PLCD1: variants seen among roughly 807,000 people sequenced by gnomAD.
PLCD1 encodes the protein 1-phosphatidylinositol 4,5-bisphosphate phosphodiesterase delta-1.
Under a neutral mutation model 87.4 loss-of-function variants are expected in PLCD1, and 71 were observed. The observed-to-expected ratio is 0.81, with a 90% CI of 0.67 to 0.99. The LOEUF is 0.99. PLCD1 is among the 50% of genes least tolerant of loss of function. PLCD1 has a pLI of 0.00. For missense variants in PLCD1, 867 were observed against 1,001.5 expected, an observed-to-expected ratio of 0.87 and a Z score of 1.81; for synonymous variants, 348 against 399.2, an observed-to-expected ratio of 0.87 and a Z score of 1.53.
At chr3:38,013,791 G>T (rs559553175) in intron 3 of PLCD1, among the ~76,000 whole-genome samples, 5 of 152,330 alleles carry the variant, frequency 3.3e-5, no homozygotes, top group African/African-American at 1.2e-4. Flanking sequence ...AAATGCCATA[G>T]AATTGGGCTT....
At chr3:38,015,328 C>A (rs1700139253) in intron 3 of PLCD1, among the ~76,000 whole-genome samples, 1 of 152,178 alleles carries the variant, frequency 6.6e-6, no homozygotes, top group Admixed American at 6.5e-5. Context: ...ATGAAAGAAG[C>A]CAGTCACAAA....
chr3:38,025,230 T>C lies in PLCD1; in HGVS notation c.34+4276A>G, dbSNP rs970158124. ...GGCGGTCCCTCGGCTTTGGAGGCGG[T>C]GCGGGGGCGGAGCCAGGGTCCGGGA... On this transcript the variant is annotated intron_variant, in intron 1 of 14. Coordinates refer to ENST00000334661, the MANE Select transcript of PLCD1 (RefSeq NM_006225.4). This position sits in a 1 kb window ranked among gnomAD's most constrained non-coding sequence, Gnocchi z 4.0. 6.6e-6 allele frequency among the ~76,000 whole-genome samples: 1 copy of C among 151,568 alleles called. No individual in the cohort carries two copies. Among genetic ancestry groups the C allele is most frequent in the Admixed American group, 6.6e-5 (1 of 15,216 alleles).
intron 1 of PLCD1, among the ~76,000 whole-genome samples, chr3:38,020,686 C>G (rs1008450042): frequency 4.6e-5 from 7 of 152,170 alleles, no homozygotes; most frequent in African/African-American, 1.7e-4. Flanking sequence ...TCCTAGAGGA[C>G]CAGCCCCCTA....
rs746740218 is a variant in PLCD1 at position 38,009,443 on chromosome 3, G to A, written c.1447-12C>T. ...CTGAGCTTGTCCTCCTGGGGAACAC[G>A]GGGAGGCCCGGGTTAGATTCAGTGG... On this transcript the variant is annotated splice_polypyrimidine_tract_variant and intron_variant, in intron 9 of 14. Transcript: ENST00000334661. 31 of 1,613,820 alleles carry A rather than the reference G, an allele frequency of 1.9e-5. No homozygotes were observed. The highest frequency in any genetic ancestry group is 1.6e-4 in the Middle Eastern group (1 of 6,070).
chr3:38,024,358 C>T (rs1700277074), intron 1 of PLCD1: 1 of 1,612,992 alleles, frequency 6.2e-7, no homozygotes, highest in Admixed American at 1.7e-5. Context: ...CCATTGAGCG[C>T]CGCCACCTTA....
At chr3:38,027,227 G>C (rs892991581) in intron 1 of PLCD1, among the ~76,000 whole-genome samples, 1 of 152,172 alleles carries the variant, frequency 6.6e-6, no homozygotes, top group Non-Finnish European at 1.5e-5. Context: ...CCATGACTAG[G>C]AACTACCTTA....
At chr3:38,021,361 T>C (rs1468746615) in intron 1 of PLCD1, among the ~76,000 whole-genome samples, 1 of 152,136 alleles carries the variant, frequency 6.6e-6, no homozygotes, top group Non-Finnish European at 1.5e-5. Context: ...GCAGGTCCTG[T>C]CCCAGAGCCC....
At chr3:38,019,074 G>A (rs935658462) in intron 2 of PLCD1, 3 of 152,370 alleles carry the variant, frequency 2.0e-5, no homozygotes, top group African/African-American at 4.8e-5. Context: ...GGCACCCTCG[G>A]TGGGGTGATC....
At chr3:38,021,155 C>A (rs1026390204) in intron 1 of PLCD1, among the ~76,000 whole-genome samples, 86 of 152,286 alleles carry the variant, frequency 5.6e-4, no homozygotes, top group African/African-American at 2.0e-3. Flanking sequence ...GTCCCCCCCA[C>A]CTCTGACTTG....
intron 3 of PLCD1, among the ~76,000 whole-genome samples, chr3:38,015,379 A>G (rs1004014122): frequency 1.1e-4 from 16 of 152,212 alleles, no homozygotes; most frequent in Admixed American, 9.8e-4. Context: ...CCAGAACAGG[A>G]AAGTGTATAG....
rs748029796 is a variant in PLCD1 at position 38,010,144 on chromosome 3, T to C, written c.1124A>G (p.Asp375Gly). The part of the protein sequence containing the change: ...LFCDVLRAIR[D>G]YAFKASPYPV... ...GGGCACTCCCACCTTGAAGGCATAGTCCCGGATGGCCCTGAGCACATCGCA... is the reference window on the plus strand; with the variant it reads ...GGGCACTCCCACCTTGAAGGCATAGCCCCGGATGGCCCTGAGCACATCGCA... The change falls in exon 7 of 15, where the codon GAC becomes GGC. Residue 375 changes from aspartate to glycine, a missense_variant. Coordinates refer to ENST00000334661, the MANE Select transcript of PLCD1 (RefSeq NM_006225.4). 1 of 1,614,192 alleles carries C rather than the reference T, an allele frequency of 6.2e-7. No individual in the cohort carries two copies. Among genetic ancestry groups the C allele is most frequent in the Non-Finnish European group, 8.5e-7 (1 of 1,180,006 alleles).
chr3:38,020,292 T>A lies in PLCD1; in HGVS notation c.95A>T (p.Lys32Met). The A allele has an allele frequency of 6.2e-7, 1 of 1,614,112 alleles. No individual in the cohort carries two copies. The highest frequency in any genetic ancestry group is 8.5e-7 in the Non-Finnish European group (1 of 1,179,988). The change falls in exon 2 of 15, where the codon AAG becomes ATG. Residue 32 changes from lysine to methionine, a missense_variant. Physicochemically the swap from Lys to Met is moderately conservative, Grantham distance 95 (BLOSUM62 -1). Coordinates refer to ENST00000334661, the MANE Select transcript of PLCD1 (RefSeq NM_006225.4). ...LLKGSQLLKV[K>M]SSSWRRERFY... ...GCGCTCTCTCCTCCATGAGCTGGAC[T>A]TCACCTTCAGGAGCTGGCTGCCCTT...
Position 38,024,408 on chromosome 3 carries a change from C to T in PLCD1, c.35-4056G>A, listed in dbSNP as rs371620597. 2.3e-5 allele frequency: 37 copies of T among 1,612,404 alleles called. No individual in the cohort carries two copies. In the African/African-American group the frequency reaches 4.3e-4, roughly 19 times the overall value. On this transcript the variant is annotated intron_variant, in intron 1 of 14. Transcript: ENST00000334661. ...CAGGTAGAGCTCCCTGGAGCGGCTC[C>T]GGCTCCGGATCCCCAGGCACTGCAT...
Position 38,025,382 on chromosome 3 carries a change from A to G in PLCD1, c.34+4124T>C, listed in dbSNP as rs1043471785. Among the ~76,000 whole-genome samples, 14 of 152,100 alleles carry G rather than the reference A, an allele frequency of 9.2e-5. No homozygotes were observed. Among genetic ancestry groups the G allele is most frequent in the Admixed American group, 1.3e-4 (2 of 15,272 alleles). On this transcript the variant is annotated intron_variant, in intron 1 of 14. Coordinates refer to ENST00000334661, the MANE Select transcript of PLCD1 (RefSeq NM_006225.4). The surrounding 1 kb of genome is among the most constrained non-coding windows in gnomAD (Gnocchi z 4.0). Reference sequence around the variant, plus strand: ...TGAGGGGAGTCCCAGTGGGAGGTGGATGGCAGTCTAGCGGGGACCTGAGTG... The same window carrying G: ...TGAGGGGAGTCCCAGTGGGAGGTGGGTGGCAGTCTAGCGGGGACCTGAGTG...
chr3:38,023,746 C>T (rs1419173755), intron 1 of PLCD1, among the ~76,000 whole-genome samples: 1 of 151,928 alleles, frequency 6.6e-6, no homozygotes, highest in Non-Finnish European at 1.5e-5. Flanking sequence ...CAGTCACACT[C>T]AGTTGAACAG....
At position 38,011,557 on chromosome 3, in the gene PLCD1, C is replaced by A; in HGVS notation, c.545G>T (p.Arg182Leu). 1.2e-6 allele frequency: 2 copies of A among 1,614,148 alleles called. No individual in the cohort carries two copies. Among genetic ancestry groups the A allele is most frequent in the Non-Finnish European group, 1.7e-6 (2 of 1,179,996 alleles). ...LNIQVDDSYA[R>L]KIFRECDHSQ... is the part of the protein sequence containing the mutation. ...TTCCTGCCTCACCCTGAAGATCTTC[C>A]GGGCATAGCTGTCGTCCACCTGGAT... The change falls in exon 4 of 15, where the codon CGG becomes CTG. Residue 182 changes from arginine (R) to leucine (L), a missense_variant. Arg to Leu is a moderately radical substitution (Grantham distance 102). Transcript: ENST00000334661.
At chr3:38,024,542 G>A in intron 1 of PLCD1, 1 of 1,511,310 alleles carries the variant, frequency 6.6e-7, no homozygotes, top group South Asian at 1.2e-5. Flanking sequence ...CGGAACTGTC[G>A]CCCTTGGAGG....
rs1700302667 is a variant in PLCD1, at chr3:38,025,808, C to G, written c.34+3698G>C. ...CCTACTGTGTGCCAATGTCAGGACA[C>G]CACCCAGAGGCCTGACTCTTACTCT... is the stretch of plus-strand genomic sequence containing the variant. On this transcript the variant is annotated intron_variant, in intron 1 of 14. Coordinates refer to ENST00000334661, the MANE Select transcript of PLCD1 (RefSeq NM_006225.4). This position sits in a 1 kb window ranked among gnomAD's most constrained non-coding sequence, Gnocchi z 4.0. 6.6e-6 allele frequency among the ~76,000 whole-genome samples: 1 copy of G among 152,204 alleles called. No homozygotes were observed. Among genetic ancestry groups the G allele is most frequent in the African/African-American group, 2.4e-5 (1 of 41,448 alleles).
Position 38,008,294 on chromosome 3 carries a change from T to G in PLCD1, c.1976A>C (p.Glu659Ala). 6.2e-7 allele frequency: 1 copy of G among 1,614,250 alleles called. No homozygotes were observed. The highest frequency in any genetic ancestry group is 8.5e-7 in the Non-Finnish European group (1 of 1,180,044). ...NSIVDPKVTV[E>A]IHGVSRDVAS... ...CACGTCCCGGCTCACGCCATGGATC[T>G]CCACTGTCACTTTGGGGTCCACAAT... Residue 659 changes from glutamate to alanine, a missense_variant, in exon 13 of 15, where the codon GAG (glutamate) becomes GCG (alanine). Physicochemically the swap from Glu to Ala is moderately radical, Grantham distance 107. Coordinates refer to ENST00000334661, the MANE Select transcript of PLCD1 (RefSeq NM_006225.4).
Sources: allele counts gnomAD v4.1 joint callset (sites outside exome capture counted in the v4.1 genomes callset), GRCh38; gene constraint gnomAD v4.1.1; non-coding constraint Gnocchi (gnomAD v3.1); transcripts MANE v1.5; gene names NCBI Gene and HGNC (gene_info 2026-07-23, HGNC 2026-07-21).